FHIP2A: variants seen among roughly 807,000 people sequenced by gnomAD.
FHIP2A encodes the protein FHF complex subunit HOOK interacting protein 2A.
A neutral mutation model predicts 93.5 loss-of-function variants in FHIP2A; 46 were observed. That is an observed-to-expected ratio of 0.49 (90% CI 0.39 to 0.63). The LOEUF (loss-of-function observed/expected upper bound fraction) is 0.63, where lower values mean the gene tolerates loss of function less well. Ranked by LOEUF, FHIP2A falls within the 20% of genes least tolerant of loss-of-function variation. FHIP2A has a pLI of 0.00. For missense variants in FHIP2A, 769 were observed against 909.7 expected (o/e 0.85, Z 1.99); for synonymous variants, 332 against 326.5 (o/e 1.02, Z -0.18).
At chr10:114,893,376 C>T (rs897188540) in intron 16 of FHIP2A, among the ~76,000 whole-genome samples, 5 of 152,174 alleles carry the variant, frequency 3.3e-5, no homozygotes, top group Admixed American at 6.5e-5. Context: ...CTTCAGTGAA[C>T]GTGCTTTGAC....
At chr10:114,847,288 A>G in intron 12 of FHIP2A, 55 bp downstream of exon 12, 3 of 1,500,230 alleles carry the variant, frequency 2.0e-6, no homozygotes, top group South Asian at 2.4e-5. Flanking sequence ...GTTTTTGTTT[A>G]TTAGTATTAT....
intron 13 of FHIP2A, among the ~76,000 whole-genome samples, 175 bp downstream of exon 13, chr10:114,848,912 G>A (rs770933888): frequency 3.3e-5 from 5 of 152,000 alleles, no homozygotes; most frequent in Admixed American, 6.6e-5. Flanking sequence ...GGAGGCCGAA[G>A]CGGATGGATC....
intron 1 of FHIP2A, among the ~76,000 whole-genome samples, chr10:114,829,430 G>A (rs117899882): frequency 0.013 from 1,990 of 152,336 alleles, 121 homozygotes; most frequent in Admixed American, 0.11. Flanking sequence ...CATGGCATTT[G>A]AAGGCTGTCA....
At position 114,833,324 on chromosome 10, in the gene FHIP2A, T is replaced by C. The variant is rs759396146; in HGVS notation, c.216T>C (p.Ser72=). The C allele has an allele frequency of 6.2e-7, 1 of 1,613,846 alleles. No individual in the cohort carries two copies. The highest frequency in any genetic ancestry group is 8.5e-7 in the Non-Finnish European group (1 of 1,179,856). ...ILVQEENERE[S]GETGPCMEYL... is the part of the protein sequence containing the mutation. ...TTCAAGAAGAAAATGAACGGGAATC[T>C]GGAGAGACAGGGCCATGTATGGAAT... Residue 72 remains serine (S), a synonymous_variant, in exon 3 of 17, where the codon TCT becomes TCC. Coordinates refer to ENST00000369248, the MANE Select transcript of FHIP2A (RefSeq NM_020940.4).
intron 13 of FHIP2A, among the ~76,000 whole-genome samples, chr10:114,852,754 A>G (rs1322676499): frequency 6.6e-6 from 1 of 152,250 alleles, no homozygotes; most frequent in African/African-American, 2.4e-5. Context: ...CTCATAAAGT[A>G]TAAATACTTA....
intron 16 of FHIP2A, among the ~76,000 whole-genome samples, chr10:114,876,016 AAAAG>A (rs1036932351): frequency 8.1e-5 from 12 of 148,676 alleles, no homozygotes; most frequent in Non-Finnish European, 1.3e-4. Flanking sequence ...GAAAGAAAGA[AAAAG>A]AAAGAAAAGC....
chr10:114,899,734 A>G, exon 17 of FHIP2A: 1 of 454,326 alleles, frequency 2.2e-6, no homozygotes, highest in Non-Finnish European at 3.9e-6. Flanking sequence ...TGTTTCCCCA[A>G]AGAAAATCAG....
intron 1 of FHIP2A, among the ~76,000 whole-genome samples, chr10:114,829,604 A>G (rs2143009755): frequency 6.6e-6 from 1 of 152,288 alleles, no homozygotes; most frequent in South Asian, 2.1e-4. Flanking sequence ...TATGACCTGT[A>G]TCTTGTGATA....
chr10:114,875,918 A>AATAAAGAAAGAAAG, intron 16 of FHIP2A, among the ~76,000 whole-genome samples: 1 of 72,890 alleles, frequency 1.4e-5, no homozygotes, highest in Admixed American at 1.2e-4. Flanking sequence ...AAGAGAAAGA[A>AATAAAGAAAGAAAG]AGAAAGAAAG....
intron 16 of FHIP2A, among the ~76,000 whole-genome samples, chr10:114,871,808 G>T (rs929746604): frequency 6.6e-6 from 1 of 152,092 alleles, no homozygotes; most frequent in Admixed American, 6.5e-5. Context: ...GGGTGTTCAT[G>T]CCCCCATGTA....
At chr10:114,843,672 T>C in intron 6 of FHIP2A, 69 bp from the exon 7 acceptor site, 1 of 1,176,790 alleles carries the variant, frequency 8.5e-7, no homozygotes, top group Non-Finnish European at 1.1e-6. Context: ...TCCTTTTATG[T>C]TGAATGTTTT....
chr10:114,848,474 T>C (rs956965795), intron 12 of FHIP2A, among the ~76,000 whole-genome samples, 173 bp from the exon 13 acceptor site: 6 of 152,200 alleles, frequency 3.9e-5, no homozygotes, highest in Admixed American at 2.6e-4. Flanking sequence ...TTTCTCGGGT[T>C]TCCATTTGTA....
At position 114,862,632 on chromosome 10, in the gene FHIP2A, C is replaced by T. The variant is rs2083807136; in HGVS notation, c.*1092C>T. The stretch of plus-strand genomic sequence containing the variant: ...TTGGGTATGTATGTGAATGGGTGTA[C>T]ATGTAGGAACCTGTAGTTCAGCAAA... On this transcript the variant is annotated 3_prime_UTR_variant, in exon 17 of 17. Coordinates refer to ENST00000369248, the MANE Select transcript of FHIP2A (RefSeq NM_020940.4). 2.0e-6 allele frequency: 2 copies of T among 985,580 alleles called. No homozygotes were observed. Among genetic ancestry groups the T allele is most frequent in the Non-Finnish European group, 2.4e-6 (2 of 830,102 alleles). The allele number at this position is 985,580 out of a possible 1,614,324, so 61.1% of individuals were successfully genotyped here.
Position 114,835,605 on chromosome 10 carries a change from A to C in FHIP2A, c.363A>C (p.Pro121=), listed in dbSNP as rs758570265. Reference sequence around the variant, plus strand: ...AACTTCTGGGAAGAATCCGGCAGCCACTACTTCCACACATTAACGTGCACA... The same window carrying C: ...AACTTCTGGGAAGAATCCGGCAGCCCCTACTTCCACACATTAACGTGCACA... The part of the protein sequence containing the change: ...YTKLLGRIRQ[P]LLPHINVHRP... The change falls in exon 4 of 17, where the codon CCA becomes CCC. Residue 121 remains proline (P), a synonymous_variant. Coordinates refer to ENST00000369248, the MANE Select transcript of FHIP2A (RefSeq NM_020940.4). 3.1e-6 allele frequency: 5 copies of C among 1,612,946 alleles called. No homozygotes were observed. The African/African-American group carries it at 5.3e-5, about 17-fold the overall frequency.
chr10:114,863,251 A>ATT lies in FHIP2A; in HGVS notation c.*1717_*1718dup. On this transcript the variant is annotated 3_prime_UTR_variant, in exon 17 of 17. Transcript: ENST00000369248. ...GATGTGAAGGCATTCAGTTTGCTGT[A>ATT]TTTTTTTAATCACTTCATACAAGGA... The ATT allele has an allele frequency of 3.1e-6, 3 of 981,376 alleles. No individual in the cohort carries two copies. Among genetic ancestry groups the ATT allele is most frequent in the Non-Finnish European group, 3.6e-6 (3 of 826,358 alleles). 60.8% of individuals were successfully genotyped at this position (981,376 alleles called of 1,614,324 possible). A position where few individuals can be genotyped will look rare whatever the true frequency, so the allele number is the denominator to read the frequency against.
At chr10:114,875,161 C>A (rs529869924) in intron 16 of FHIP2A, among the ~76,000 whole-genome samples, 1 of 152,188 alleles carries the variant, frequency 6.6e-6, no homozygotes, top group African/African-American at 2.4e-5. Flanking sequence ...GGAAGGAAGG[C>A]GGCCGGCGGA....
intron 16 of FHIP2A, among the ~76,000 whole-genome samples, chr10:114,890,110 C>T (rs748637982): frequency 1.8e-4 from 27 of 152,298 alleles, no homozygotes; most frequent in Non-Finnish European, 2.8e-4. Context: ...TCACTGCAAC[C>T]TCTGCCTCCC....
At position 114,851,114 on chromosome 10, in the gene FHIP2A, C is replaced by G. The variant is rs150604182; in HGVS notation, c.1803+2377C>G. On this transcript the variant is annotated intron_variant, in intron 13 of 16. Coordinates refer to ENST00000369248, the MANE Select transcript of FHIP2A (RefSeq NM_020940.4). ...TTTTTAGTAGAGATGGAGTTTCACC[C>G]TGTTGCCTAGGCTGATCTTGAACTC... Among the ~76,000 whole-genome samples the G allele has an allele frequency of 9.6e-3, 1,461 of 152,168 alleles. 21 individuals carry two copies. The highest frequency in any genetic ancestry group is 0.031 in the African/African-American group (1,298 of 41,526).
At chr10:114,855,457 T>C in intron 14 of FHIP2A, 117 bp downstream of exon 14, 2 of 882,670 alleles carry the variant, frequency 2.3e-6, no homozygotes, top group East Asian at 2.7e-5. Flanking sequence ...CTTTTTCCAC[T>C]GGATGACTTT....
Sources: gnomAD v4.1 joint callset for allele counts (sites outside exome capture counted in the v4.1 genomes callset) on GRCh38, gnomAD v4.1.1 for gene constraint, MANE v1.5 for transcripts, NCBI Gene and HGNC (gene_info 2026-07-23, HGNC 2026-07-21) for gene names.